Variants in CUX1 observed in about 807,000 individuals in gnomAD.
The protein encoded by CUX1 is cut like homeobox 1.
Under a neutral mutation model 158.8 loss-of-function variants are expected in CUX1, and 31 were observed. The ratio of observed to expected loss-of-function variants is 0.20; its 90% CI spans 0.15 to 0.26. The LOEUF is 0.26. Among genes scored for constraint, CUX1 ranks in the 10% least tolerant of loss-of-function variants. CUX1 has a pLI of 1.00. For missense variants in CUX1, 1,589 were observed against 2,014.6 expected (o/e 0.79, Z 4.04); for synonymous variants, 879 against 862.1 (o/e 1.02, Z -0.34).
intron 8 of CUX1, among the ~76,000 whole-genome samples, chr7:102,139,284 G>A (rs1228854854): frequency 1.4e-5 from 2 of 144,748 alleles, no homozygotes; most frequent in South Asian, 2.2e-4. Context: ...GTATCAACTC[G>A]ACACCCAGGG....
intron 1 of CUX1, among the ~76,000 whole-genome samples, chr7:101,872,824 T>C (rs921536924): frequency 1.6e-4 from 24 of 152,188 alleles, no homozygotes; most frequent in Middle Eastern, 3.2e-3. Context: ...GTTTTTACAA[T>C]GTACCATTTT....
intron 1 of CUX1, among the ~76,000 whole-genome samples, chr7:101,855,602 G>A (rs1468411527): frequency 3.9e-5 from 6 of 152,150 alleles, no homozygotes; most frequent in African/African-American, 9.7e-5. Flanking sequence ...GCTTAAGGCC[G>A]GGCGCGGTGG....
At chr7:101,932,688 A>C (rs1806421641) in intron 2 of CUX1, 2 of 437,108 alleles carry the variant, frequency 4.6e-6, no homozygotes, top group South Asian at 3.3e-5. Context: ...TTTTGTTTAT[A>C]AATCAACAAC....
rs1801610564 is a variant in CUX1 at position 102,252,375 on chromosome 7, C to T, written c.*3333C>T. 7 of 985,068 alleles carry T rather than the reference C, an allele frequency of 7.1e-6. No homozygotes were observed. Among genetic ancestry groups the T allele is most frequent in the African/African-American group, 3.5e-5 (2 of 57,114 alleles). 61.0% of individuals were successfully genotyped at this position (985,068 alleles called of 1,614,324 possible). On this transcript the variant is annotated 3_prime_UTR_variant, in exon 24 of 24. Transcript: ENST00000292535. ...GGCTGGCATTCCAAGCAGTGGCCCC[C>T]GCAGGCAGCCGACCCCCTTCCTCTT... is the stretch of plus-strand genomic sequence containing the variant.
chr7:101,816,791 CCAGGCGGGCGGGTGGCCGGG>C (rs930240576), upstream of CUX1: 11 of 170,646 alleles, frequency 6.4e-5, no homozygotes, highest in South Asian at 2.0e-4. Flanking sequence ...CCGGCTCCGG[CCAGGCGGGCGGGTGGCCGGG>C]CAGGCGCCCG....
chr7:102,212,650 A>G (rs1382862635), intron 20 of CUX1, among the ~76,000 whole-genome samples: 1 of 151,548 alleles, frequency 6.6e-6, no homozygotes, highest in African/African-American at 2.4e-5. Context: ...CCTGTCACAC[A>G]CCACCCCCAC....
chr7:102,216,937 A>T (rs1181166228), intron 20 of CUX1, among the ~76,000 whole-genome samples: 1 of 152,156 alleles, frequency 6.6e-6, no homozygotes, highest in Non-Finnish European at 1.5e-5. Context: ...GATTACAGCA[A>T]AGCAATTTAA....
intron 1 of CUX1, among the ~76,000 whole-genome samples, chr7:101,883,059 A>G (rs1394084743): frequency 6.6e-6 from 1 of 152,130 alleles, no homozygotes; most frequent in Non-Finnish European, 1.5e-5. Flanking sequence ...AGTCCAGGCC[A>G]GTGACTGATT....
chr7:102,204,026 G>T (rs112831812), intron 18 of CUX1, among the ~76,000 whole-genome samples: 1 of 152,160 alleles, frequency 6.6e-6, no homozygotes, highest in African/African-American at 2.4e-5. Context: ...AGCCTTTCCC[G>T]GTGCCACCAA....
chr7:101,994,941 A>AG, intron 2 of CUX1, among the ~76,000 whole-genome samples: 1 of 151,462 alleles, frequency 6.6e-6, no homozygotes, highest in East Asian at 1.9e-4. Context: ...AAAAAAAAAA[A>AG]AAAAAATTAG....
At chr7:102,084,352 C>T (rs545336309) in intron 4 of CUX1, among the ~76,000 whole-genome samples, 1 of 149,198 alleles carries the variant, frequency 6.7e-6, no homozygotes, top group Non-Finnish European at 1.5e-5. Flanking sequence ...TTAATGCTCA[C>T]CTATTAGCTC....
intron 5 of CUX1, among the ~76,000 whole-genome samples, chr7:102,100,422 T>C (rs1418538892): frequency 6.6e-6 from 1 of 152,208 alleles, no homozygotes. Flanking sequence ...ACTTACCAGG[T>C]AGGGTTGGTG....
intron 2 of CUX1, among the ~76,000 whole-genome samples, chr7:101,978,475 C>A (rs1019151761): frequency 2.0e-5 from 3 of 152,258 alleles, no homozygotes; most frequent in African/African-American, 7.2e-5. Flanking sequence ...CACGCTGTCA[C>A]CTTGGCCCAA....
intron 3 of CUX1, among the ~76,000 whole-genome samples, chr7:102,042,811 A>G (rs530723087): frequency 6.6e-6 from 1 of 152,072 alleles, no homozygotes; most frequent in South Asian, 2.1e-4. Flanking sequence ...ATTTTTTGAG[A>G]CAGGATCTCC....
intron 5 of CUX1, among the ~76,000 whole-genome samples, chr7:102,101,069 C>G (rs1278050007): frequency 2.0e-5 from 3 of 152,148 alleles, no homozygotes; most frequent in Non-Finnish European, 4.4e-5. Flanking sequence ...GACTCATCAC[C>G]AGAGAGAGGC....
intron 2 of CUX1, among the ~76,000 whole-genome samples, chr7:102,000,604 T>G (rs1466834417): frequency 1.3e-5 from 2 of 152,244 alleles, no homozygotes; most frequent in Admixed American, 1.3e-4. Flanking sequence ...GTGGGCACGT[T>G]GAAGCTGCAG....
chr7:102,091,433 C>T (rs1178526272), intron 4 of CUX1, among the ~76,000 whole-genome samples: 1 of 152,020 alleles, frequency 6.6e-6, no homozygotes, highest in Non-Finnish European at 1.5e-5. Context: ...TGGCCTCAAG[C>T]AATCCTCCCA....
chr7:101,845,365 C>T (rs1048322088), intron 1 of CUX1, among the ~76,000 whole-genome samples: 9 of 151,922 alleles, frequency 5.9e-5, no homozygotes, highest in Admixed American at 1.3e-4. Context: ...CACGAATTGG[C>T]GATTGTTGAG....
At chr7:102,118,576 G>A (rs1409568952) in intron 8 of CUX1, among the ~76,000 whole-genome samples, 2 of 152,112 alleles carry the variant, frequency 1.3e-5, no homozygotes, top group Non-Finnish European at 2.9e-5. Context: ...ACGGGAATTG[G>A]AGAGGCATGA....
Sources: allele counts gnomAD v4.1 joint callset (sites outside exome capture counted in the v4.1 genomes callset), GRCh38; gene constraint gnomAD v4.1.1; transcripts MANE v1.5; gene names NCBI Gene and HGNC (gene_info 2026-07-23, HGNC 2026-07-21).